Variants in NIPSNAP2 observed in about 807,000 individuals in gnomAD.
NIPSNAP2 encodes protein NipSnap homolog 2.
Under a neutral mutation model 48.4 loss-of-function variants are expected in NIPSNAP2, and 42 were observed. The ratio of observed to expected loss-of-function variants is 0.87; its 90% CI spans 0.68 to 1.12. The LOEUF is 1.12. Among genes scored for constraint, NIPSNAP2 ranks in the 50% most tolerant of loss-of-function variants. NIPSNAP2 has a pLI of 0.00. For synonymous variants in NIPSNAP2, 158 were observed against 126.6 expected (o/e 1.25, Z -1.67); for missense variants, 314 against 347.3 (o/e 0.90, Z 0.76).
Position 55,994,993 on chromosome 7 carries a change from CTG to C in NIPSNAP2, c.712+7_712+8del, listed in dbSNP as rs1435737565. The C allele has an allele frequency of 6.2e-6, 10 of 1,611,016 alleles. No individual in the cohort carries two copies. Among genetic ancestry groups the C allele is most frequent in the Non-Finnish European group, 8.5e-6 (10 of 1,177,206 alleles). On this transcript the variant is annotated splice_donor_region_variant and intron_variant, in intron 8 of 9. Coordinates refer to ENST00000322090, the MANE Select transcript of NIPSNAP2 (RefSeq NM_001483.3). ...ACATGGTGCACCATCTTTGGGGTAT[CTG>C]TTTTTCCCTTTTCGAGTTACTGGGA...
At chr7:55,970,442 G>A (rs1786996226) in intron 1 of NIPSNAP2, among the ~76,000 whole-genome samples, 1 of 151,550 alleles carries the variant, frequency 6.6e-6, no homozygotes, top group East Asian at 1.9e-4. Context: ...CCGAGTAGCT[G>A]GGACTACAGG....
chr7:55,998,482 A>AG (rs2116384663), intron 9 of NIPSNAP2, among the ~76,000 whole-genome samples: 1 of 141,404 alleles, frequency 7.1e-6, no homozygotes, highest in Admixed American at 7.2e-5. Flanking sequence ...ACAAATATCC[A>AG]GGTAGGATCT....
intron 7 of NIPSNAP2, among the ~76,000 whole-genome samples, chr7:55,991,650 A>G (rs972076159): frequency 6.6e-6 from 1 of 151,580 alleles, no homozygotes; most frequent in Non-Finnish European, 1.5e-5. Flanking sequence ...CGGAAGGCTG[A>G]GGCAAGAGAA....
At chr7:55,998,896 CTTGT>C (rs1787623676) in intron 9 of NIPSNAP2, 108 bp from the exon 10 acceptor site, 1 of 900,782 alleles carries the variant, frequency 1.1e-6, no homozygotes, top group African/African-American at 1.6e-5. Context: ...ATGATATTCT[CTTGT>C]TTTCAAGCAG....
At chr7:55,976,995 A>T (rs564211702) in intron 1 of NIPSNAP2, among the ~76,000 whole-genome samples, 11 of 152,312 alleles carry the variant, frequency 7.2e-5, no homozygotes, top group African/African-American at 2.4e-4. Flanking sequence ...TTTAATTATG[A>T]GATGAAAATT....
chr7:55,967,945 C>T (rs905610121), intron 1 of NIPSNAP2, among the ~76,000 whole-genome samples: 2 of 152,042 alleles, frequency 1.3e-5, no homozygotes, highest in South Asian at 2.1e-4. Context: ...TCACCACACC[C>T]GGCTGCTAAT....
In NIPSNAP2 at chr7:55,985,093, A is replaced by T. The variant is rs1184271343; in HGVS notation, c.617+215A>T. 2.0e-5 allele frequency among the ~76,000 whole-genome samples: 3 copies of T among 152,334 alleles called. 1 individual carries two copies. The highest frequency in any genetic ancestry group is 2.0e-4 in the Admixed American group (3 of 15,296). ...CCACATCCATCTCTTAGCTTCAATAATTAACACATGGCCAATCTTGTTTAG... is the reference window on the plus strand; with the variant it reads ...CCACATCCATCTCTTAGCTTCAATATTTAACACATGGCCAATCTTGTTTAG... On this transcript the variant is annotated intron_variant, in intron 7 of 9. Coordinates refer to ENST00000322090, the MANE Select transcript of NIPSNAP2 (RefSeq NM_001483.3).
chr7:55,979,912 G>T (rs1224681547), intron 3 of NIPSNAP2: 1 of 452,032 alleles, frequency 2.2e-6, no homozygotes, highest in African/African-American at 2.0e-5. Flanking sequence ...CTAAGAGCAG[G>T]TTTGGGGTCC....
At chr7:55,968,235 G>A (rs927480342) in intron 1 of NIPSNAP2, among the ~76,000 whole-genome samples, 5 of 151,984 alleles carry the variant, frequency 3.3e-5, no homozygotes, top group Non-Finnish European at 5.9e-5. Context: ...GGAGAACTGG[G>A]GATATTTTAA....
chr7:55,978,025 C>A, intron 1 of NIPSNAP2, 101 bp from the exon 2 acceptor site: 1 of 1,354,540 alleles, frequency 7.4e-7, no homozygotes, highest in Non-Finnish European at 1.0e-6. Flanking sequence ...AGCCCAGGTT[C>A]TGGAACGGTG....
At chr7:55,976,613 C>T (rs772036282) in intron 1 of NIPSNAP2, among the ~76,000 whole-genome samples, 3 of 152,180 alleles carry the variant, frequency 2.0e-5, no homozygotes, top group Non-Finnish European at 4.4e-5. Context: ...GGGCCAATTG[C>T]AGTGGCTTAC....
chr7:55,982,486 C>T (rs1412222954), intron 5 of NIPSNAP2, among the ~76,000 whole-genome samples: 3 of 152,132 alleles, frequency 2.0e-5, no homozygotes, highest in East Asian at 1.9e-4. Context: ...CGGTGGCTCA[C>T]GCCTGTAATC....
intron 1 of NIPSNAP2, 65 bp downstream of exon 1, chr7:55,964,766 T>C: frequency 2.3e-6 from 2 of 857,604 alleles, no homozygotes; most frequent in Non-Finnish European, 1.5e-6. Flanking sequence ...AGGGCGCGGG[T>C]TTCCCGGCGC....
chr7:55,992,909 A>G (rs1787480871), intron 7 of NIPSNAP2, among the ~76,000 whole-genome samples: 1 of 152,146 alleles, frequency 6.6e-6, no homozygotes, highest in Non-Finnish European at 1.5e-5. Context: ...TGATTCTAGA[A>G]GACTGCTTTT....
chr7:55,968,850 A>G (rs1263194698), intron 1 of NIPSNAP2, among the ~76,000 whole-genome samples: 2 of 151,486 alleles, frequency 1.3e-5, no homozygotes, highest in African/African-American at 2.4e-5. Flanking sequence ...ACATGATGAA[A>G]CCCTGTCTCT....
At chr7:55,995,929 G>C (rs902305678) in intron 8 of NIPSNAP2, among the ~76,000 whole-genome samples, 4 of 152,132 alleles carry the variant, frequency 2.6e-5, no homozygotes, top group Non-Finnish European at 5.9e-5. Context: ...AGTGAGCTAT[G>C]ACTGTGCCAC....
chr7:55,972,044 A>G (rs969563345), intron 1 of NIPSNAP2, among the ~76,000 whole-genome samples: 1 of 152,134 alleles, frequency 6.6e-6, no homozygotes, highest in Non-Finnish European at 1.5e-5. Flanking sequence ...AGTGGCTCAC[A>G]CCTATAATTC....
chr7:55,967,244 A>G (rs1302826297), intron 1 of NIPSNAP2, among the ~76,000 whole-genome samples: 1 of 152,210 alleles, frequency 6.6e-6, no homozygotes, highest in African/African-American at 2.4e-5. Context: ...CAGTCATGAA[A>G]CATTTTCCAT....
At chr7:55,993,965 A>T (rs1584351981) in intron 7 of NIPSNAP2, among the ~76,000 whole-genome samples, 1 of 151,550 alleles carries the variant, frequency 6.6e-6, no homozygotes, top group Middle Eastern at 3.5e-3. Context: ...TGCCTGCACT[A>T]CTGAGGCTGT....
Sources: allele counts gnomAD v4.1 joint callset (sites outside exome capture counted in the v4.1 genomes callset), GRCh38; gene constraint gnomAD v4.1.1; transcripts MANE v1.5; gene names NCBI Gene and HGNC (gene_info 2026-07-23, HGNC 2026-07-21).